Variants in RAD51B observed in about 807,000 individuals in gnomAD.
RAD51B encodes DNA repair protein RAD51 homolog 2.
Under a neutral mutation model 42.2 loss-of-function variants are expected in RAD51B, and 38 were observed. That is an observed-to-expected ratio of 0.90 (90% confidence interval 0.70 to 1.18). RAD51B has a LOEUF of 1.18. Ranked by LOEUF, RAD51B falls within the 50% of genes most tolerant of loss-of-function variation. RAD51B has a pLI of 0.00. For missense variants in RAD51B, 373 were observed against 400.7 expected (o/e 0.93, Z 0.59); for synonymous variants, 154 against 145.2 (o/e 1.06, Z -0.43).
intron 10 of RAD51B, among the ~76,000 whole-genome samples, chr14:68,621,051 C>A (rs1891935971): frequency 1.3e-5 from 2 of 152,226 alleles, no homozygotes; most frequent in African/African-American, 4.8e-5. Flanking sequence ...CACTCCTTGG[C>A]AATCCCTGCC....
chr14:68,309,750 C>T (rs1283389702), intron 8 of RAD51B, among the ~76,000 whole-genome samples: 2 of 152,104 alleles, frequency 1.3e-5, no homozygotes, highest in African/African-American at 4.8e-5. Context: ...TAAAACATCC[C>T]AACTAATGGT....
At chr14:68,553,617 G>A (rs968393061) in intron 10 of RAD51B, among the ~76,000 whole-genome samples, 4 of 151,366 alleles carry the variant, frequency 2.6e-5, no homozygotes, top group Non-Finnish European at 5.9e-5. Context: ...GCAGCATTGA[G>A]CACCTAGGTC....
chr14:68,094,972 A>G (rs2077167525), intron 7 of RAD51B, among the ~76,000 whole-genome samples: 1 of 152,188 alleles, frequency 6.6e-6, no homozygotes, highest in Non-Finnish European at 1.5e-5. Context: ...AGGAAAGCAG[A>G]TGTTTCTTTT....
At chr14:68,509,251 G>T (rs996890653) in intron 10 of RAD51B, among the ~76,000 whole-genome samples, 1 of 151,934 alleles carries the variant, frequency 6.6e-6, no homozygotes, top group African/African-American at 2.4e-5. Flanking sequence ...GCCCTTCACT[G>T]GGTTGTCAAG....
intron 9 of RAD51B, among the ~76,000 whole-genome samples, chr14:68,451,118 G>GTTAA (rs1415100564): frequency 6.6e-6 from 1 of 152,194 alleles, no homozygotes; most frequent in African/African-American, 2.4e-5. Context: ...TGGTATGTGT[G>GTTAA]TTAAGTAGGT....
chr14:68,082,172 G>C (rs569262796), intron 7 of RAD51B, among the ~76,000 whole-genome samples: 44 of 152,182 alleles, frequency 2.9e-4, no homozygotes, highest in Non-Finnish European at 5.9e-4. Context: ...ATGTTAGCCA[G>C]GATGGTCTCG....
intron 8 of RAD51B, among the ~76,000 whole-genome samples, chr14:68,370,434 CTAGGG>C (rs2083230716): frequency 6.6e-6 from 1 of 152,126 alleles, no homozygotes; most frequent in East Asian, 1.9e-4. Context: ...CTGGAGAGGG[CTAGGG>C]TATGTAAAAC....
chr14:68,290,609 C>T (rs1034411801), intron 7 of RAD51B, among the ~76,000 whole-genome samples: 1 of 152,060 alleles, frequency 6.6e-6, no homozygotes, highest in Non-Finnish European at 1.5e-5. Context: ...CTTAAATACA[C>T]AGTGAGACTT....
intron 7 of RAD51B, among the ~76,000 whole-genome samples, chr14:68,173,020 T>C (rs1322083186): frequency 3.3e-5 from 5 of 152,222 alleles, no homozygotes; most frequent in Non-Finnish European, 7.3e-5. Flanking sequence ...TTGCATTTTT[T>C]CAAGGCATTT....
At chr14:67,911,272 A>C (rs1001725025) in intron 7 of RAD51B, among the ~76,000 whole-genome samples, 3 of 152,242 alleles carry the variant, frequency 2.0e-5, no homozygotes, top group Non-Finnish European at 2.9e-5. Flanking sequence ...ATGGACTGGC[A>C]GCATTAGCAT....
chr14:68,220,259 T>G (rs1440204142), intron 7 of RAD51B, among the ~76,000 whole-genome samples: 1 of 152,232 alleles, frequency 6.6e-6, no homozygotes, highest in Non-Finnish European at 1.5e-5. Flanking sequence ...GAAAGCGTAT[T>G]TGAGGGGATA....
chr14:68,169,999 T>C (rs1198245415), intron 7 of RAD51B, among the ~76,000 whole-genome samples: 1 of 152,190 alleles, frequency 6.6e-6, no homozygotes, highest in African/African-American at 2.4e-5. Context: ...CCATTGAAAC[T>C]CTCTCAGCCT....
chr14:68,390,009 G>C (rs1594767647), intron 8 of RAD51B, among the ~76,000 whole-genome samples: 1 of 152,144 alleles, frequency 6.6e-6, no homozygotes, highest in African/African-American at 2.4e-5. Context: ...TTCAACTCTT[G>C]GCTTACTCTA....
chr14:68,008,520 T>C (rs1222032208), intron 7 of RAD51B, among the ~76,000 whole-genome samples: 1 of 152,014 alleles, frequency 6.6e-6, no homozygotes, highest in African/African-American at 2.4e-5. Flanking sequence ...TTCTCCTTTA[T>C]GTAGTTCTGA....
chr14:68,571,809 GTT>G (rs1243327341), intron 10 of RAD51B, among the ~76,000 whole-genome samples: 1 of 151,616 alleles, frequency 6.6e-6, no homozygotes, highest in African/African-American at 2.4e-5. Flanking sequence ...TTTTTTGTTT[GTT>G]TGTTTGTTTG....
chr14:68,533,540 C>T (rs1056805625), intron 10 of RAD51B, among the ~76,000 whole-genome samples: 1 of 152,130 alleles, frequency 6.6e-6, no homozygotes, highest in African/African-American at 2.4e-5. Context: ...AGAAGGAAGA[C>T]AATTCCTATG....
At chr14:68,176,715 G>A (rs2767383) in intron 7 of RAD51B, among the ~76,000 whole-genome samples, 125,864 of 152,142 alleles carry the variant, frequency 0.83, 52,265 homozygotes, top group East Asian at 0.98. Context: ...ACACAAAAAA[G>A]GGTAAACTTT....
intron 10 of RAD51B, among the ~76,000 whole-genome samples, chr14:68,638,675 G>A (rs909696970): frequency 3.9e-5 from 6 of 152,034 alleles, no homozygotes. Flanking sequence ...TGCTCAGAGA[G>A]CTGACGGTCC....
chr14:68,000,541 T>C (rs1303012661), intron 7 of RAD51B, among the ~76,000 whole-genome samples: 1 of 152,214 alleles, frequency 6.6e-6, no homozygotes, highest in East Asian at 1.9e-4. Context: ...GGTTAAAATA[T>C]GTCCTGTTAA....
Sources: gnomAD v4.1 joint callset for allele counts (sites outside exome capture counted in the v4.1 genomes callset) on GRCh38, gnomAD v4.1.1 for gene constraint, MANE v1.5 for transcripts, NCBI Gene and HGNC (gene_info 2026-07-23, HGNC 2026-07-21) for gene names.